The following TMEM52 variants were observed in gnomAD, a reference collection of about 807,000 sequenced individuals.
TMEM52 encodes transmembrane protein 52.
In TMEM52, 14 loss-of-function variants were observed where a neutral mutation model predicts 16.2. The ratio of observed to expected loss-of-function variants is 0.87; its 90% CI spans 0.57 to 1.35. The LOEUF (loss-of-function observed/expected upper bound fraction) is 1.35. TMEM52 is among the 40% of genes most tolerant of loss of function. TMEM52 has a pLI of 0.00. For synonymous variants in TMEM52, 136 were observed against 124.7 expected (o/e 1.09, Z -0.60); for missense variants, 309 against 278.6 (o/e 1.11, Z -0.78).
chr1:1,918,567 G>C, intron 3 of TMEM52, 136 bp from the exon 4 acceptor site: 1 of 875,780 alleles, frequency 1.1e-6, no homozygotes, highest in Non-Finnish European at 1.9e-6. Context: ...GTCGGAGACC[G>C]CCGTGGCCAG....
intron 4 of TMEM52, 40 bp downstream of exon 4, chr1:1,918,213 G>C (rs537238244): frequency 6.2e-7 from 1 of 1,607,624 alleles, no homozygotes; most frequent in Non-Finnish European, 8.5e-7. Context: ...ATTTACCCCC[G>C]CCATCTCCAC....
In TMEM52 at chr1:1,918,433, TAGGAG is replaced by T; in HGVS notation, c.171-7_171-3del. The T allele has an allele frequency of 1.2e-6, 2 of 1,610,656 alleles. No homozygotes were observed. Among genetic ancestry groups the T allele is most frequent in the Non-Finnish European group, 1.7e-6 (2 of 1,178,984 alleles). On this transcript the variant is annotated splice_region_variant and splice_polypyrimidine_tract_variant and intron_variant, in intron 3 of 4. Coordinates refer to ENST00000310991, the MANE Select transcript of TMEM52 (RefSeq NM_178545.4). ...AGGAGGACCGCCAGCAGGATGAGCC[TAGGAG>T]AGCAAGGCTCTACCACTGGACTGAC...
At position 1,917,983 on chromosome 1, in the gene TMEM52, G is replaced by C; in HGVS notation, c.529C>G (p.Pro177Ala). ...REEGPALSQK[P>A]SPLLGASGLE... ...CCCGAGGCCCCAAGGAGAGGGCTGG[G>C]TTTCTGGGAGAGTGCTGGTCCTTCC... The change falls in exon 5 of 5, where the codon CCC becomes GCC. Residue 177 changes from proline to alanine, a missense_variant. Coordinates refer to ENST00000310991, the MANE Select transcript of TMEM52 (RefSeq NM_178545.4). 6.2e-7 allele frequency: 1 copy of C among 1,613,976 alleles called. No homozygotes were observed. The highest frequency in any genetic ancestry group is 8.5e-7 in the Non-Finnish European group (1 of 1,180,024).
In TMEM52 at chr1:1,917,708, G is replaced by A; in HGVS notation, c.*174C>T. 1 of 762,300 alleles carries A rather than the reference G, an allele frequency of 1.3e-6. No individual in the cohort carries two copies. Among genetic ancestry groups the A allele is most frequent in the Non-Finnish European group, 2.1e-6 (1 of 474,314 alleles). 47.2% of individuals were successfully genotyped at this position (762,300 alleles called of 1,614,324 possible). A position where few individuals can be genotyped will look rare whatever the true frequency, so the allele number is the denominator to read the frequency against. ...TCTTCCAGGCTGAGGGCCTGCTGGG[G>A]CTGGGCCAGGGGCTGAGGCTGAAAG... On this transcript the variant is annotated 3_prime_UTR_variant, in exon 5 of 5. Transcript: ENST00000310991.
At position 1,919,073 on chromosome 1, in the gene TMEM52, C is replaced by T. The variant is rs1189480308; in HGVS notation, c.100G>A (p.Ala34Thr). The change falls in exon 2 of 5, where the codon GCG becomes ACG. Residue 34 changes from alanine to threonine, a missense_variant. Coordinates refer to ENST00000310991, the MANE Select transcript of TMEM52 (RefSeq NM_178545.4). ...LPLPQVALGFADGSCDPSDQC... is the reference protein window; with the variant it reads ...LPLPQVALGFTDGSCDPSDQC... Reference sequence around the variant, plus strand: ...TCCGAGGGGTCGCAGCTGCCGTCCGCGAAGCCCAGCGCCACCTGTGGGGAC... The same window carrying T: ...TCCGAGGGGTCGCAGCTGCCGTCCGTGAAGCCCAGCGCCACCTGTGGGGAC... The T allele has an allele frequency of 1.5e-6, 2 of 1,338,794 alleles. No homozygotes were observed. Among genetic ancestry groups the T allele is most frequent in the South Asian group, 3.9e-5 (2 of 51,254 alleles). The allele number at this position is 1,338,794 out of a possible 1,614,324, so 82.9% of individuals were successfully genotyped here.
intron 2 of TMEM52, 44 bp downstream of exon 2, chr1:1,919,001 C>A: frequency 7.4e-7 from 1 of 1,342,560 alleles, no homozygotes; most frequent in Non-Finnish European, 9.5e-7. Flanking sequence ...CCGTGCCTCC[C>A]CATAGGGCGG....
chr1:1,919,203 C>G lies in TMEM52; in HGVS notation c.63G>C (p.Leu21=). 1 of 1,363,356 alleles carries G rather than the reference C, an allele frequency of 7.3e-7. No homozygotes were observed. Among genetic ancestry groups the G allele is most frequent in the South Asian group, 1.7e-5 (1 of 58,142 alleles). 84.5% of individuals were successfully genotyped at this position (1,363,356 alleles called of 1,614,324 possible). The change falls in exon 1 of 5, where the codon CTG becomes CTC. Residue 21 remains leucine, a synonymous_variant. Transcript: ENST00000310991. ...CCACCTGCGGCAGCGGCAGGAGCGG[C>G]AGGAGCGGCAGGAGCGGCAGCAGCA... ...LRLLLPLLPL[L]PLLPLPQVAL...
rs1303607328 is a variant in TMEM52, at chr1:1,918,148, GC to G, written c.363del (p.Gln122SerfsTer65). On this transcript the variant is annotated frameshift_variant, in exon 5 of 5. Transcript: ENST00000310991. LOFTEE classifies it low-confidence loss of function (END_TRUNC). ...VHSTVTSYSS[V>X]QYPLGMRLPL... ...GGCAACCGCATGCCCAGTGGGTACT[GC>G]ACGGAGCTGTAGGCTGCAGGGAACC... 18 of 1,612,896 alleles carry G rather than the reference GC, an allele frequency of 1.1e-5. No homozygotes were observed. The highest frequency in any genetic ancestry group is 1.4e-5 in the Non-Finnish European group (17 of 1,179,838).
In TMEM52 at chr1:1,917,848, G is replaced by C; in HGVS notation, c.*34C>G. Reference sequence around the variant, plus strand: ...CTGGGGCCCTTGGCTCCAAGCATTAGTTCTCCAAGCTCTGGTCCGTTCTCC... The same window carrying C: ...CTGGGGCCCTTGGCTCCAAGCATTACTTCTCCAAGCTCTGGTCCGTTCTCC... On this transcript the variant is annotated 3_prime_UTR_variant, in exon 5 of 5. Coordinates refer to ENST00000310991, the MANE Select transcript of TMEM52 (RefSeq NM_178545.4). 6.3e-7 allele frequency: 1 copy of C among 1,597,268 alleles called. No homozygotes were observed. The highest frequency in any genetic ancestry group is 2.2e-5 in the East Asian group (1 of 44,626).
At chr1:1,918,818 G>A in intron 3 of TMEM52, 75 bp downstream of exon 3, 1 of 1,465,638 alleles carries the variant, frequency 6.8e-7, no homozygotes, top group South Asian at 1.3e-5. Context: ...TGAGGTAAGG[G>A]CCTGGCGGGC....
intron 3 of TMEM52, 93 bp downstream of exon 3, chr1:1,918,800 C>A: frequency 1.4e-6 from 2 of 1,397,634 alleles, no homozygotes; most frequent in Non-Finnish European, 1.9e-6. Context: ...ACAGCGGAGG[C>A]GGCCTGGTGA....
At chr1:1,918,983 C>T in intron 2 of TMEM52, 49 bp from the exon 3 acceptor site, 4 of 1,346,902 alleles carry the variant, frequency 3.0e-6, no homozygotes, top group East Asian at 3.1e-5. Flanking sequence ...GACGGCCGAC[C>T]TCGCCACCCG....
At chr1:1,918,820 C>G in intron 3 of TMEM52, 73 bp downstream of exon 3, 2 of 1,474,458 alleles carry the variant, frequency 1.4e-6, no homozygotes, top group East Asian at 2.5e-5. Flanking sequence ...AGGTAAGGGC[C>G]TGGCGGGCCT....
Position 1,917,833 on chromosome 1 carries a change from T to C in TMEM52, c.*49A>G. On this transcript the variant is annotated 3_prime_UTR_variant, in exon 5 of 5. Coordinates refer to ENST00000310991, the MANE Select transcript of TMEM52 (RefSeq NM_178545.4). ...GGACGGTGGGGTGGGCTGGGGCCCT[T>C]GGCTCCAAGCATTAGTTCTCCAAGC... 6.3e-7 allele frequency: 1 copy of C among 1,577,630 alleles called. No individual in the cohort carries two copies.
In TMEM52 at chr1:1,918,156, C is replaced by A; in HGVS notation, c.356G>T (p.Ser119Ile). 1 of 1,611,946 alleles carries A rather than the reference C, an allele frequency of 6.2e-7. No individual in the cohort carries two copies. Among genetic ancestry groups the A allele is most frequent in the Non-Finnish European group, 8.5e-7 (1 of 1,178,986 alleles). Residue 119 changes from serine (S) to isoleucine (I), a missense_variant, in exon 5 of 5, where the codon AGC becomes ATC. Coordinates refer to ENST00000310991, the MANE Select transcript of TMEM52 (RefSeq NM_178545.4). ...SPVHSTVTSY[S>I]SVQYPLGMRL... is the part of the protein sequence containing the mutation. ...CATGCCCAGTGGGTACTGCACGGAG[C>A]TGTAGGCTGCAGGGAACCAGAGTGG...
chr1:1,917,667 T>C lies in TMEM52; in HGVS notation c.*215A>G. On this transcript the variant is annotated 3_prime_UTR_variant, in exon 5 of 5. Transcript: ENST00000310991. The stretch of plus-strand genomic sequence containing the variant: ...GTGGCCCTGAGCTCCCACCCGAGGC[T>C]TAGGCCCAAGGGGCCTCTTCCAGGC... 1.6e-6 allele frequency: 1 copy of C among 611,892 alleles called. No individual in the cohort carries two copies. Among genetic ancestry groups the C allele is most frequent in the East Asian group, 2.8e-5 (1 of 36,212 alleles). The allele number at this position is 611,892 out of a possible 1,614,324, so 37.9% of individuals were successfully genotyped here.
chr1:1,918,483 GC>G, intron 3 of TMEM52, 52 bp from the exon 4 acceptor site: 1 of 1,462,682 alleles, frequency 6.8e-7, no homozygotes, highest in Non-Finnish European at 9.5e-7. Context: ...CCGGGCACCT[GC>G]ACCCTGGGGA....
rs1451651145 is a variant in TMEM52 at position 1,918,323 on chromosome 1, T to TG, written c.278dup (p.Ala94SerfsTer15). ...CTGCCACGTCGCAGGGCTGCCGTGC[T>TG]GGTGGCAGATGTGGCTGGGCCTGTG... On this transcript the variant is annotated frameshift_variant, in exon 4 of 5. Transcript: ENST00000310991. LOFTEE classifies it high-confidence loss of function. 6.2e-7 allele frequency: 1 copy of TG among 1,612,890 alleles called. No individual in the cohort carries two copies. The highest frequency in any genetic ancestry group is 1.7e-5 in the Admixed American group (1 of 60,012).
At chr1:1,918,800 C>T (rs1027687170) in intron 3 of TMEM52, 93 bp downstream of exon 3, 35 of 1,397,516 alleles carry the variant, frequency 2.5e-5, no homozygotes, top group Admixed American at 5.4e-5. Context: ...ACAGCGGAGG[C>T]GGCCTGGTGA....
Sources: allele counts gnomAD v4.1 joint callset, GRCh38; gene constraint gnomAD v4.1.1; transcripts MANE v1.5; gene names NCBI Gene and HGNC (gene_info 2026-07-23, HGNC 2026-07-21).